AGBL4: variants seen among roughly 807,000 people sequenced by gnomAD.
AGBL4 encodes cytosolic carboxypeptidase 6.
In AGBL4, 58 loss-of-function variants were observed where a neutral mutation model predicts 66.4. That is an observed-to-expected ratio of 0.87 (90% confidence interval 0.71 to 1.09). AGBL4 has a LOEUF of 1.09. AGBL4 is among the 50% of genes least tolerant of loss of function. The pLI is 0.00. For missense variants in AGBL4, 579 were observed against 631.0 expected, an observed-to-expected ratio of 0.92 and a Z score of 0.88; for synonymous variants, 234 against 222.9, an observed-to-expected ratio of 1.05 and a Z score of -0.44.
rs149045921 is a variant in AGBL4 at position 49,505,181 on chromosome 1, T to C, written c.282+192132A>G. On this transcript the variant is annotated intron_variant, in intron 3 of 13. Coordinates refer to ENST00000371839, the MANE Select transcript of AGBL4 (RefSeq NM_032785.4). ...TCACACTTTACATCTTTTTATAATA[T>C]ATATCCCTTAAAAAGTATTGTAGCT... Among the ~76,000 whole-genome samples the C allele has an allele frequency of 3.4e-3, 516 of 152,146 alleles. 1 individual carries two copies. Among genetic ancestry groups the C allele is most frequent in the African/African-American group, 0.012 (486 of 41,564 alleles).
intron 6 of AGBL4, among the ~76,000 whole-genome samples, chr1:48,694,287 C>T (rs1436264806): frequency 6.6e-6 from 1 of 152,118 alleles, no homozygotes; most frequent in African/African-American, 2.4e-5. Context: ...CTGTATCTGA[C>T]TATCACTGGA....
At chr1:49,837,922 A>G (rs929733451) in intron 2 of AGBL4, among the ~76,000 whole-genome samples, 1 of 152,208 alleles carries the variant, frequency 6.6e-6, no homozygotes, top group Non-Finnish European at 1.5e-5. Flanking sequence ...AGCTATTGGA[A>G]GCAGAAGGTG....
At chr1:48,726,394 G>T (rs1647276513) in intron 6 of AGBL4, among the ~76,000 whole-genome samples, 1 of 152,142 alleles carries the variant, frequency 6.6e-6, no homozygotes, top group Non-Finnish European at 1.5e-5. Context: ...TCATGCCTGA[G>T]CTTCCCCATG....
At chr1:49,667,073 T>G (rs746476101) in intron 3 of AGBL4, among the ~76,000 whole-genome samples, 1 of 152,148 alleles carries the variant, frequency 6.6e-6, no homozygotes, top group Non-Finnish European at 1.5e-5. Flanking sequence ...AACAAGAAGA[T>G]AGTTGTGAGA....
chr1:49,666,339 T>G (rs1374042028), intron 3 of AGBL4, among the ~76,000 whole-genome samples: 1 of 151,970 alleles, frequency 6.6e-6, no homozygotes, highest in East Asian at 1.9e-4. Context: ...CCCAAGCGGG[T>G]GGATCATTTG....
chr1:49,789,914 T>C (rs943428300), intron 2 of AGBL4, among the ~76,000 whole-genome samples: 1 of 152,178 alleles, frequency 6.6e-6, no homozygotes, highest in Non-Finnish European at 1.5e-5. Flanking sequence ...GGCATCATGC[T>C]ACCTGACTTC....
chr1:48,603,570 A>G (rs756856287), intron 9 of AGBL4, among the ~76,000 whole-genome samples: 2 of 152,168 alleles, frequency 1.3e-5, no homozygotes, highest in Non-Finnish European at 2.9e-5. Context: ...AGACCCTTAC[A>G]TGGAAGGCCT....
In AGBL4 at chr1:49,604,489, T is replaced by C. The variant is rs1645027749; in HGVS notation, c.282+92824A>G. On this transcript the variant is annotated intron_variant, in intron 3 of 13. Coordinates refer to ENST00000371839, the MANE Select transcript of AGBL4 (RefSeq NM_032785.4). Reference sequence around the variant, plus strand: ...GGATATTAGTCTTTTGTCAGATGCATAGTTTGCCAACATTTTCTCCCATTA... The same window carrying C: ...GGATATTAGTCTTTTGTCAGATGCACAGTTTGCCAACATTTTCTCCCATTA... 2.0e-5 allele frequency among the ~76,000 whole-genome samples: 3 copies of C among 152,230 alleles called. No homozygotes were observed. The South Asian group carries it at 6.2e-4, about 31-fold the overall frequency.
intron 1 of AGBL4, among the ~76,000 whole-genome samples, chr1:49,872,363 G>C (rs1409174038): frequency 1.3e-5 from 2 of 151,954 alleles, no homozygotes; most frequent in Non-Finnish European, 2.9e-5. Context: ...GGAGACACTG[G>C]TTATTTTACC....
chr1:48,814,197 T>C (rs1311632673), intron 6 of AGBL4, among the ~76,000 whole-genome samples: 3 of 152,184 alleles, frequency 2.0e-5, no homozygotes, highest in Non-Finnish European at 2.9e-5. Context: ...ATCTCTTTGC[T>C]CTTCTCTTGA....
intron 6 of AGBL4, among the ~76,000 whole-genome samples, chr1:48,734,434 C>G (rs768136850): frequency 6.6e-6 from 1 of 152,200 alleles, no homozygotes; most frequent in Non-Finnish European, 1.5e-5. Flanking sequence ...AGCACTGTAT[C>G]AGCTTTGTAA....
At chr1:49,552,121 T>C (rs956485460) in intron 3 of AGBL4, among the ~76,000 whole-genome samples, 1 of 152,124 alleles carries the variant, frequency 6.6e-6, no homozygotes, top group African/African-American at 2.4e-5. Flanking sequence ...CCAGCTCCCA[T>C]GCAAACTGAA....
chr1:48,687,262 G>A (rs1299181624), intron 6 of AGBL4, among the ~76,000 whole-genome samples: 3 of 152,202 alleles, frequency 2.0e-5, no homozygotes, highest in Non-Finnish European at 4.4e-5. Flanking sequence ...TGGGAGGCAA[G>A]GCCAGGGGAG....
At chr1:48,829,443 T>C (rs1934399) in intron 6 of AGBL4, among the ~76,000 whole-genome samples, 148,739 of 152,278 alleles carry the variant, frequency 0.98, 72,723 homozygotes, top group East Asian at 1. Flanking sequence ...CCCCTTTCAG[T>C]CTCCTTTCCA....
At chr1:49,193,726 G>A (rs992561867) in intron 4 of AGBL4, among the ~76,000 whole-genome samples, 1 of 151,670 alleles carries the variant, frequency 6.6e-6, no homozygotes, top group African/African-American at 2.4e-5. Context: ...GTAGAGATGG[G>A]GTTTCACCAT....
chr1:49,999,128 G>A (rs1402729140), intron 1 of AGBL4, among the ~76,000 whole-genome samples: 3 of 151,978 alleles, frequency 2.0e-5, no homozygotes, highest in Admixed American at 6.6e-5. Context: ...AATCAGTAAA[G>A]AGGAAGTCAA....
At chr1:48,542,003 CCT>C (rs1014486558) in intron 11 of AGBL4, among the ~76,000 whole-genome samples, 1 of 152,110 alleles carries the variant, frequency 6.6e-6, no homozygotes, top group African/African-American at 2.4e-5. Context: ...CACCCAACCC[CCT>C]GACTGGCCCC....
intron 3 of AGBL4, among the ~76,000 whole-genome samples, chr1:49,588,499 C>T (rs1017146788): frequency 2.0e-5 from 3 of 152,146 alleles, no homozygotes; most frequent in African/African-American, 7.2e-5. Flanking sequence ...ATTAAGAATG[C>T]TCTTCTGCCT....
At chr1:49,927,506 G>A (rs1310623295) in intron 1 of AGBL4, among the ~76,000 whole-genome samples, 1 of 152,046 alleles carries the variant, frequency 6.6e-6, no homozygotes, top group African/African-American at 2.4e-5. Flanking sequence ...TGAGACTCAA[G>A]CATTATCACA....
Sources: allele counts gnomAD v4.1 joint callset (sites outside exome capture counted in the v4.1 genomes callset), GRCh38; gene constraint gnomAD v4.1.1; transcripts MANE v1.5; gene names NCBI Gene and HGNC (gene_info 2026-07-23, HGNC 2026-07-21).